BRI3: variants seen among roughly 807,000 people sequenced by gnomAD.
BRI3 encodes membrane protein BRI3.
BRI3 carries 6 observed loss-of-function variants against 12.8 expected under a neutral mutation model. The observed-to-expected ratio is 0.47, with a 90% CI of 0.26 to 0.93. BRI3 has a LOEUF of 0.93. BRI3 is among the 40% of genes least tolerant of loss of function. BRI3 has a pLI of 0.15. For synonymous variants in BRI3, 91 were observed against 76.1 expected (o/e 1.20, Z -1.02); for missense variants, 134 against 171.1 (o/e 0.78, Z 1.21).
the BRI3 span, among the ~76,000 whole-genome samples, chr7:98,316,022 C>T: frequency 1.3e-5 from 2 of 152,162 alleles, no homozygotes; most frequent in African/African-American, 2.4e-5. Context: ...TTGTAGCTCC[C>T]GTAATTCCTA....
At chr7:98,303,764 G>A (rs1021231432), upstream of BRI3, among the ~76,000 whole-genome samples, 1 of 152,198 alleles carries the variant, frequency 6.6e-6, no homozygotes, top group African/African-American at 2.4e-5. Context: ...TAGGGTTAAA[G>A]ATAACATCCA....
intron 2 of BRI3, among the ~76,000 whole-genome samples, chr7:98,290,547 G>C (rs1799892253): frequency 6.6e-6 from 1 of 151,936 alleles, no homozygotes; most frequent in Admixed American, 6.6e-5. Flanking sequence ...CGCCCAGCCT[G>C]GAGTGTAGTG....
chr7:98,293,197 C>T, downstream of BRI3: 1 of 296,954 alleles, frequency 3.4e-6, no homozygotes, highest in Non-Finnish European at 6.1e-6. Flanking sequence ...TAGACTATCC[C>T]TTATTCTGGC....
downstream of BRI3, chr7:98,293,663 T>C: frequency 6.8e-7 from 1 of 1,476,782 alleles, no homozygotes; most frequent in Non-Finnish European, 9.5e-7. Flanking sequence ...TTAACAGTGC[T>C]AATAACCCGT....
chr7:98,306,358 A>C, upstream of BRI3: 18 of 1,529,522 alleles, frequency 1.2e-5, no homozygotes, highest in Non-Finnish European at 1.6e-5. Context: ...GGCCTGCGAC[A>C]CAGCTAGATG....
At chr7:98,304,331 A>G, upstream of BRI3, 1 of 1,613,732 alleles carries the variant, frequency 6.2e-7, no homozygotes, top group Non-Finnish European at 8.5e-7. Flanking sequence ...CAACACTGCT[A>G]TTCTCAGACA....
downstream of BRI3, among the ~76,000 whole-genome samples, chr7:98,311,532 C>T (rs1800868415): frequency 6.6e-6 from 1 of 150,876 alleles, no homozygotes; most frequent in African/African-American, 2.4e-5. Context: ...CAGAGCAAGA[C>T]TGTGTCTCAA....
At chr7:98,313,353 T>C (rs1053026736), downstream of BRI3, among the ~76,000 whole-genome samples, 24 of 152,176 alleles carry the variant, frequency 1.6e-4, no homozygotes, top group African/African-American at 5.1e-4. Flanking sequence ...CTGGGACCGA[T>C]GGTTAAGTCT....
At chr7:98,292,419 C>CT, downstream of BRI3, 7 of 564,110 alleles carry the variant, frequency 1.2e-5, no homozygotes, top group South Asian at 1.5e-4. Context: ...GGTGATCCCC[C>CT]TGCCTCGGCC....
At chr7:98,307,493 A>G in intron 1 of BRI3, 2 of 1,431,268 alleles carry the variant, frequency 1.4e-6, no homozygotes, top group Non-Finnish European at 9.1e-7. Flanking sequence ...TGCATGCACC[A>G]AATGTATCTC....
chr7:98,299,405 G>T (rs1463735084), intron 1 of BRI3, among the ~76,000 whole-genome samples: 1 of 152,060 alleles, frequency 6.6e-6, no homozygotes, highest in Non-Finnish European at 1.5e-5. Context: ...TGATCCTCCC[G>T]CCTCGGCCTC....
At chr7:98,310,619 T>G (rs1800831846), downstream of BRI3, 1 of 1,534,290 alleles carries the variant, frequency 6.5e-7, no homozygotes. Context: ...ATTAGTCCAA[T>G]ATTAGTATAG....
chr7:98,296,839 C>T (rs140252975), downstream of BRI3, among the ~76,000 whole-genome samples: 159 of 152,328 alleles, frequency 1.0e-3, no homozygotes, highest in African/African-American at 3.8e-3. Flanking sequence ...ACATACGGTG[C>T]CTCTTATCTG....
intron 1 of BRI3, 124 bp downstream of exon 1, chr7:98,282,061 C>T: frequency 7.8e-7 from 1 of 1,287,378 alleles, no homozygotes; most frequent in Non-Finnish European, 1.0e-6. Context: ...GGTCCCCGGG[C>T]TGGCTTCGGG....
At chr7:98,299,507 C>T (rs895127178) in intron 1 of BRI3, among the ~76,000 whole-genome samples, 2 of 151,004 alleles carry the variant, frequency 1.3e-5, no homozygotes, top group Non-Finnish European at 2.9e-5. Flanking sequence ...TTGACCACCA[C>T]GTTATGGATC....
intron 2 of BRI3, among the ~76,000 whole-genome samples, chr7:98,285,119 G>A (rs1053044660): frequency 6.6e-6 from 1 of 152,122 alleles, no homozygotes; most frequent in Non-Finnish European, 1.5e-5. Context: ...TTAGTTTTGG[G>A]GGTGACCAGA....
chr7:98,291,371 C>G lies in BRI3; in HGVS notation c.*128C>G. The G allele has an allele frequency of 6.7e-7, 1 of 1,493,172 alleles. No homozygotes were observed. The highest frequency in any genetic ancestry group is 2.4e-5 in the East Asian group (1 of 41,666). The allele number at this position is 1,493,172 out of a possible 1,614,324, so 92.5% of individuals were successfully genotyped here. On this transcript the variant is annotated 3_prime_UTR_variant, in exon 3 of 3. Coordinates refer to ENST00000297290, the MANE Select transcript of BRI3 (RefSeq NM_015379.5). Reference sequence around the variant, plus strand: ...AGCGAGGTGGGACCGATGTGGCACACGCCAGCTGCGGTTTCCCGGAGCGTG... The same window carrying G: ...AGCGAGGTGGGACCGATGTGGCACAGGCCAGCTGCGGTTTCCCGGAGCGTG...
At chr7:98,307,767 G>A (rs778411071) in exon 2 of BRI3, 1 of 1,614,240 alleles carries the variant, frequency 6.2e-7, no homozygotes, top group South Asian at 1.1e-5. Context: ...ATCTCCCTGT[G>A]CAAAGCTGAG....
At chr7:98,294,969 G>T (rs532340292), downstream of BRI3, among the ~76,000 whole-genome samples, 3 of 152,200 alleles carry the variant, frequency 2.0e-5, no homozygotes, top group African/African-American at 7.2e-5. Context: ...TTTCCTGCCT[G>T]CACACAGGGA....
Sources: allele counts gnomAD v4.1 joint callset (sites outside exome capture counted in the v4.1 genomes callset), GRCh38; gene constraint gnomAD v4.1.1; transcripts MANE v1.5; gene names NCBI Gene and HGNC (gene_info 2026-07-23, HGNC 2026-07-21).